The following ABCG2 variants were observed in gnomAD, a reference collection of about 807,000 sequenced individuals.
The protein encoded by ABCG2 is broad substrate specificity ATP-binding cassette transporter ABCG2.
ABCG2 carries 80 observed loss-of-function variants against 73.5 expected under a neutral mutation model. That is an observed-to-expected ratio of 1.09 (90% CI 0.91 to 1.31). The LOEUF (loss-of-function observed/expected upper bound fraction) is 1.31. ABCG2 is among the 50% of genes most tolerant of loss of function. ABCG2 has a pLI of 0.00. For synonymous variants in ABCG2, 269 were observed against 282.4 expected (o/e 0.95, Z 0.48); for missense variants, 796 against 786.2 (o/e 1.01, Z -0.15).
chr4:88,136,380 A>T (rs2110049138), intron 2 of ABCG2, among the ~76,000 whole-genome samples: 1 of 152,262 alleles, frequency 6.6e-6, no homozygotes, highest in Non-Finnish European at 1.5e-5. Context: ...CCTCCATAAA[A>T]ATCAACAGCT....
chr4:88,159,235 T>C (rs2110084373), upstream of ABCG2: 1 of 455,878 alleles, frequency 2.2e-6, no homozygotes, highest in South Asian at 1.5e-5. Flanking sequence ...TTGGTCGCCG[T>C]CACTGGCCGG....
At position 88,113,569 on chromosome 4, in the gene ABCG2, A is replaced by G. The variant is rs779459564; in HGVS notation, c.944-16T>C. ...ATCTCTGTGGCTTTGCAATCAGTGG[A>G]TAAAAAGGAAACACAAACAAGATAA... On this transcript the variant is annotated splice_polypyrimidine_tract_variant and intron_variant, in intron 8 of 15. Transcript: ENST00000237612. 1 of 1,603,622 alleles carries G rather than the reference A, an allele frequency of 6.2e-7. No homozygotes were observed. The highest frequency in any genetic ancestry group is 1.7e-5 in the Admixed American group (1 of 58,220).
chr4:88,126,146 A>T (rs1369835605), intron 5 of ABCG2, among the ~76,000 whole-genome samples: 5 of 152,168 alleles, frequency 3.3e-5, no homozygotes, highest in Admixed American at 6.5e-5. Flanking sequence ...GAATACTATA[A>T]ACACCTCTAC....
chr4:88,171,845 A>G (rs560991297), intron 1 of ABCG2, among the ~76,000 whole-genome samples: 1 of 152,302 alleles, frequency 6.6e-6, no homozygotes, highest in Admixed American at 6.5e-5. Flanking sequence ...GGGGCCCAGC[A>G]TGATGGCATG....
intron 3 of ABCG2, 38 bp from the exon 4 acceptor site, chr4:88,131,955 A>G (rs1233651091): frequency 6.9e-7 from 1 of 1,458,500 alleles, no homozygotes; most frequent in Non-Finnish European, 9.6e-7. Context: ...CTAATAACCT[A>G]TAAGAGAATA....
intron 1 of ABCG2, among the ~76,000 whole-genome samples, chr4:88,141,756 T>G (rs914477792): frequency 1.3e-5 from 2 of 152,122 alleles, no homozygotes; most frequent in African/African-American, 4.8e-5. Context: ...AAAAAAATTT[T>G]TAAAATTGCC....
intron 5 of ABCG2, among the ~76,000 whole-genome samples, chr4:88,125,530 C>T (rs778448618): frequency 4.3e-5 from 6 of 138,202 alleles, no homozygotes; most frequent in Non-Finnish European, 7.6e-5. Context: ...ATGGCGTGAA[C>T]CCAGGAGGTG....
intron 1 of ABCG2, among the ~76,000 whole-genome samples, chr4:88,156,280 C>T (rs949623540): frequency 7.2e-5 from 10 of 139,782 alleles, no homozygotes; most frequent in Non-Finnish European, 1.4e-4. Flanking sequence ...TAGGCTGAGG[C>T]ACAAGAATCG....
chr4:88,178,892 G>C (rs1452299012), intron 1 of ABCG2, among the ~76,000 whole-genome samples: 1 of 152,142 alleles, frequency 6.6e-6, no homozygotes, highest in African/African-American at 2.4e-5. Flanking sequence ...TACAGAACCT[G>C]GTAGATTCCT....
upstream of ABCG2, among the ~76,000 whole-genome samples, chr4:88,159,504 C>T (rs537713191): frequency 2.0e-5 from 3 of 152,268 alleles, no homozygotes; most frequent in African/African-American, 7.2e-5. Context: ...TGCAATATTC[C>T]GATGGTGTGG....
intron 1 of ABCG2, among the ~76,000 whole-genome samples, chr4:88,157,513 G>A (rs1247702164): frequency 6.6e-6 from 1 of 152,052 alleles, no homozygotes; most frequent in Admixed American, 6.6e-5. Context: ...GGAACTCTCT[G>A]TACTATTTTT....
chr4:88,151,504 C>G (rs917977316), intron 1 of ABCG2, among the ~76,000 whole-genome samples: 1 of 152,000 alleles, frequency 6.6e-6, no homozygotes, highest in South Asian at 2.1e-4. Context: ...TTTGGGAGGC[C>G]GAGGCAGGTG....
chr4:88,161,894 G>A (rs369019785), upstream of ABCG2, among the ~76,000 whole-genome samples: 395 of 134,610 alleles, frequency 2.9e-3, 5 homozygotes, highest in African/African-American at 0.01. Flanking sequence ...TCTCATAGTG[G>A]TTTTGATTTG....
intron 11 of ABCG2, 120 bp from the exon 12 acceptor site, chr4:88,099,568 A>G: frequency 9.6e-7 from 1 of 1,037,016 alleles, no homozygotes; most frequent in Non-Finnish European, 1.4e-6. Flanking sequence ...AGCTTCCCAC[A>G]TCCTCAGGGC....
In ABCG2 at chr4:88,107,184, C is replaced by A; in HGVS notation, c.1277G>T (p.Arg426Ile). Residue 426 changes from arginine (R) to isoleucine (I), a missense_variant and splice_region_variant, in exon 10 of 16, where the codon AGA (arginine) becomes ATA (isoleucine). By Grantham distance (97) the Arg-to-Ile change is moderately conservative. Transcript: ENST00000237612. ...LKNDSTGIQN[R>I]AGVLFFLTTN... ...AAAATCAAGATCCAAATTTACTTAC[C>A]TGTTCTGGATTCCAGTAGAATCATT... is the stretch of plus-strand genomic sequence containing the variant. 6.2e-7 allele frequency: 1 copy of A among 1,606,522 alleles called. No individual in the cohort carries two copies. The highest frequency in any genetic ancestry group is 8.5e-7 in the Non-Finnish European group (1 of 1,174,702).
intron 1 of ABCG2, among the ~76,000 whole-genome samples, chr4:88,175,898 C>T (rs1465198192): frequency 1.3e-5 from 2 of 152,192 alleles, no homozygotes; most frequent in African/African-American, 4.8e-5. Flanking sequence ...ACAAAAATAT[C>T]TGAAGCAAGC....
chr4:88,114,683 T>C (rs1007486651), intron 8 of ABCG2, among the ~76,000 whole-genome samples: 2 of 152,096 alleles, frequency 1.3e-5, no homozygotes. Context: ...ATGCATATAT[T>C]GCCAAGTTTC....
At chr4:88,152,779 T>C (rs981092774) in intron 1 of ABCG2, among the ~76,000 whole-genome samples, 5 of 151,786 alleles carry the variant, frequency 3.3e-5, no homozygotes, top group African/African-American at 1.2e-4. Flanking sequence ...AGTGGTAAAG[T>C]GTTGGGGTGG....
At position 88,097,558 on chromosome 4, in the gene ABCG2, C is replaced by G. The variant is rs529212191; in HGVS notation, c.1542G>C (p.Met514Ile). The G allele has an allele frequency of 2.5e-6, 4 of 1,614,192 alleles. No individual in the cohort carries two copies. Among genetic ancestry groups the G allele is most frequent in the Non-Finnish European group, 3.4e-6 (4 of 1,180,030 alleles). The change falls in exon 13 of 16, where the codon ATG becomes ATC. Residue 514 changes from methionine (M) to isoleucine (I), a missense_variant. By Grantham distance (10) the Met-to-Ile change is conservative. Transcript: ENST00000237612. ...TGGAACTGGCTGAATAAGCCACCAT[C>G]ATAAGGGTAAACATCATAACGAAGA... is the stretch of plus-strand genomic sequence containing the variant. ...DAFFVMMFTL[M>I]MVAYSASSMA... is the part of the protein sequence containing the mutation.
Sources: gnomAD v4.1 joint callset for allele counts (sites outside exome capture counted in the v4.1 genomes callset) on GRCh38, gnomAD v4.1.1 for gene constraint, MANE v1.5 for transcripts, NCBI Gene and HGNC (gene_info 2026-07-23, HGNC 2026-07-21) for gene names.